The following RIN2 variants were observed in gnomAD, a reference collection of about 807,000 sequenced individuals.
RIN2 encodes RAB5 interacting protein 2.
RIN2 carries 36 observed loss-of-function variants against 78.0 expected under a neutral mutation model. That is an observed-to-expected ratio of 0.46 (90% CI 0.35 to 0.61). The LOEUF (loss-of-function observed/expected upper bound fraction) is 0.61, where lower values mean the gene tolerates loss of function less well. RIN2 is among the 20% of genes least tolerant of loss of function. The pLI, the probability that RIN2 is intolerant of heterozygous loss-of-function variation, is 0.00. For missense variants in RIN2, 1,087 were observed against 1,159.7 expected (o/e 0.94, Z 0.91); for synonymous variants, 466 against 466.8 (o/e 1.00, Z 0.02).
chr20:19,917,547 G>C (rs1337785521), intron 3 of RIN2, among the ~76,000 whole-genome samples: 1 of 152,258 alleles, frequency 6.6e-6, no homozygotes, highest in Non-Finnish European at 1.5e-5. Context: ...AATGAAGCCA[G>C]TGAGCATCTT....
chr20:19,771,984 C>T (rs761977225), intron 1 of RIN2, among the ~76,000 whole-genome samples: 4 of 152,172 alleles, frequency 2.6e-5, no homozygotes, highest in Non-Finnish European at 5.9e-5. Context: ...CCAAACACTA[C>T]CAAGCCACCT....
intron 1 of RIN2, among the ~76,000 whole-genome samples, chr20:19,780,585 T>A (rs767267995): frequency 9.2e-5 from 14 of 152,134 alleles, no homozygotes; most frequent in Non-Finnish European, 1.8e-4. Flanking sequence ...TTAGTGGAAA[T>A]GCCTAGTGCT....
intron 9 of RIN2, among the ~76,000 whole-genome samples, chr20:19,989,614 T>C (rs2042732522): frequency 6.6e-6 from 1 of 152,192 alleles, no homozygotes; most frequent in African/African-American, 2.4e-5. Context: ...TGCTCATTAT[T>C]AGAAAATCCT....
At chr20:19,833,418 G>C (rs555088492) in intron 2 of RIN2, among the ~76,000 whole-genome samples, 1 of 151,878 alleles carries the variant, frequency 6.6e-6, no homozygotes, top group African/African-American at 2.4e-5. Context: ...CCTCACTCCC[G>C]ACTCCCCAAC....
At chr20:19,900,807 A>C (rs6046439) in intron 3 of RIN2, among the ~76,000 whole-genome samples, 1 of 151,218 alleles carries the variant, frequency 6.6e-6, no homozygotes, top group East Asian at 2.0e-4. Context: ...AAAATGAGCC[A>C]GGCGTGGTGG....
chr20:19,914,421 T>C (rs1456961540), intron 3 of RIN2, among the ~76,000 whole-genome samples: 1 of 152,218 alleles, frequency 6.6e-6, no homozygotes, highest in Non-Finnish European at 1.5e-5. Context: ...TGTATGACTT[T>C]CCCAGTATGT....
intron 4 of RIN2, chr20:19,935,517 T>A: frequency 1.7e-5 from 19 of 1,092,058 alleles, no homozygotes; most frequent in Non-Finnish European, 2.0e-5. Context: ...AGATCCAGCG[T>A]GTGCAAAGTA....
intron 3 of RIN2, among the ~76,000 whole-genome samples, chr20:19,899,581 A>C (rs6046437): frequency 0.024 from 3,656 of 152,242 alleles, 136 homozygotes; most frequent in African/African-American, 0.083. Context: ...TCACTATGAG[A>C]TTTGGGAGGA....
Position 19,975,073 on chromosome 20 carries a change from G to A in RIN2, c.1048G>A (p.Gly350Arg), listed in dbSNP as rs777702758. Residue 350 changes from glycine to arginine, a missense_variant, in exon 9 of 13, where the codon GGA becomes AGA. By Grantham distance (125) the Gly-to-Arg change is moderately radical (BLOSUM62 -2). Coordinates refer to ENST00000255006, the MANE Select transcript of RIN2 (RefSeq NM_018993.4). This position sits in a 1 kb window ranked among gnomAD's most constrained non-coding sequence, Gnocchi z 4.9. ...HNKHGNVALPGTKPTPIPPPR... is the reference protein window; with the variant it reads ...HNKHGNVALPRTKPTPIPPPR... ...CAAACATGGGAACGTAGCTCTGCCT[G>A]GAACGAAACCAACTCCCATCCCTCC... 3.7e-6 allele frequency: 6 copies of A among 1,613,506 alleles called. No homozygotes were observed. Among genetic ancestry groups the A allele is most frequent in the Non-Finnish European group, 4.2e-6 (5 of 1,179,890 alleles).
chr20:19,859,642 G>C (rs180720891), intron 2 of RIN2, among the ~76,000 whole-genome samples: 2 of 152,282 alleles, frequency 1.3e-5, no homozygotes, highest in Admixed American at 1.3e-4. Flanking sequence ...TGTGCATGCT[G>C]ACAACTCCCA....
At chr20:19,872,901 C>G (rs2037733095) in intron 2 of RIN2, among the ~76,000 whole-genome samples, 1 of 152,024 alleles carries the variant, frequency 6.6e-6, no homozygotes, top group South Asian at 2.1e-4. Flanking sequence ...CACCACTACA[C>G]AAAATATGCA....
chr20:19,798,422 G>T (rs2035132801), intron 1 of RIN2, among the ~76,000 whole-genome samples: 1 of 152,000 alleles, frequency 6.6e-6, no homozygotes, highest in Non-Finnish European at 1.5e-5. Context: ...TCCAGGGGAG[G>T]AGATGGAGGG....
chr20:19,831,722 A>G (rs2036257132), intron 2 of RIN2, among the ~76,000 whole-genome samples: 1 of 152,214 alleles, frequency 6.6e-6, no homozygotes, highest in African/African-American at 2.4e-5. Context: ...ATGAGCTTGG[A>G]TATACAGTAA....
At chr20:19,771,897 A>G (rs2034138955) in intron 1 of RIN2, among the ~76,000 whole-genome samples, 1 of 151,200 alleles carries the variant, frequency 6.6e-6, no homozygotes, top group Non-Finnish European at 1.5e-5. Context: ...TGCCCTCCTC[A>G]CTCTCTCGTT....
chr20:19,890,287 CTG>C (rs1208495722), intron 3 of RIN2, among the ~76,000 whole-genome samples: 4 of 151,938 alleles, frequency 2.6e-5, no homozygotes, highest in Non-Finnish European at 5.9e-5. Flanking sequence ...TTTATGTACT[CTG>C]TGTGTGTGTA....
intron 4 of RIN2, among the ~76,000 whole-genome samples, chr20:19,946,546 C>T (rs112198078): frequency 5.5e-4 from 82 of 149,180 alleles, no homozygotes; most frequent in African/African-American, 1.7e-3. Flanking sequence ...GGCGAAACCC[C>T]GTCTCTACTA....
chr20:19,762,550 G>A (rs771714720), intron 1 of RIN2, among the ~76,000 whole-genome samples: 15 of 152,118 alleles, frequency 9.9e-5, no homozygotes, highest in Admixed American at 2.0e-4. Context: ...TGGTGTCACA[G>A]AAGTCAAGGG....
At chr20:19,951,011 T>C (rs2041293629) in intron 4 of RIN2, among the ~76,000 whole-genome samples, 1 of 151,742 alleles carries the variant, frequency 6.6e-6, no homozygotes. Flanking sequence ...CGCCTCAGAC[T>C]CTTGAGTAGC....
At position 19,776,581 on chromosome 20, in the gene RIN2, AGTTAGCTGGGC is replaced by A. The variant is rs1600425242; in HGVS notation, c.-163+18255_-163+18265del. ...ACCCCATCTCTACTAAAAATGCAAA[AGTTAGCTGGGC>A]ATGGTGGCGGCTGCCTGTAGTCCCA... On this transcript the variant is annotated intron_variant, in intron 1 of 12. Transcript: ENST00000255006. 2.0e-5 allele frequency among the ~76,000 whole-genome samples: 3 copies of A among 152,182 alleles called. No individual in the cohort carries two copies. In the East Asian group the frequency reaches 5.8e-4, roughly 29 times the overall value.
Sources: allele counts gnomAD v4.1 joint callset (sites outside exome capture counted in the v4.1 genomes callset), GRCh38; gene constraint gnomAD v4.1.1; non-coding constraint Gnocchi (gnomAD v3.1); transcripts MANE v1.5; gene names NCBI Gene and HGNC (gene_info 2026-07-23, HGNC 2026-07-21).